Variants in PLCB1 observed in about 807,000 individuals in gnomAD.
PLCB1 encodes the protein 1-phosphatidylinositol 4,5-bisphosphate phosphodiesterase beta-1.
In PLCB1, 46 loss-of-function variants were observed where a neutral mutation model predicts 161.8. The ratio of observed to expected loss-of-function variants is 0.28; its 90% CI spans 0.22 to 0.36. PLCB1 has a LOEUF of 0.36. Among genes scored for constraint, PLCB1 ranks in the 10% least tolerant of loss-of-function variants. The probability of loss-of-function intolerance (pLI) is 1.00; values close to 1 mark genes in which losing one functional copy is unlikely to be tolerated. For missense variants in PLCB1, 1,016 were observed against 1,472.5 expected (o/e 0.69, Z 5.07); for synonymous variants, 517 against 503.7 (o/e 1.03, Z -0.35).
intron 31 of PLCB1, among the ~76,000 whole-genome samples, chr20:8,813,443 CTAAAG>C (rs1297255782): frequency 6.6e-6 from 1 of 152,106 alleles, no homozygotes; most frequent in Non-Finnish European, 1.5e-5. Flanking sequence ...GAGACCAGCT[CTAAAG>C]TAAACTATTT....
At chr20:8,603,741 G>A (rs572893116) in intron 3 of PLCB1, among the ~76,000 whole-genome samples, 39 of 152,204 alleles carry the variant, frequency 2.6e-4, no homozygotes, top group Non-Finnish European at 5.6e-4. Flanking sequence ...GTAAATGTGT[G>A]TTTCAACTTG....
intron 2 of PLCB1, among the ~76,000 whole-genome samples, chr20:8,310,558 G>A (rs1360016492): frequency 6.6e-6 from 1 of 152,124 alleles, no homozygotes; most frequent in African/African-American, 2.4e-5. Context: ...GGCTGTCTAG[G>A]GTGATGAAAA....
Position 8,214,081 on chromosome 20 carries a change from A to G in PLCB1, c.177+63710A>G, listed in dbSNP as rs548107088. Among the ~76,000 whole-genome samples, 25 of 152,270 alleles carry G rather than the reference A, an allele frequency of 1.6e-4. No homozygotes were observed. The East Asian group carries it at 2.9e-3, about 18-fold the overall frequency. On this transcript the variant is annotated intron_variant, in intron 2 of 31. Transcript: ENST00000338037. ...GTGACTAAAAAGCAAAAGCGAAACA[A>G]AGGAGGTTGAGGTAAAGAGCAGTCT...
At chr20:8,439,589 C>T (rs1170871129) in intron 3 of PLCB1, among the ~76,000 whole-genome samples, 1 of 151,968 alleles carries the variant, frequency 6.6e-6, no homozygotes, top group Non-Finnish European at 1.5e-5. Context: ...GAAGTTGTGT[C>T]GTATTTAGAA....
Position 8,520,696 on chromosome 20 carries a change from A to G in PLCB1, c.247-107598A>G, listed in dbSNP as rs140419229. On this transcript the variant is annotated intron_variant, in intron 3 of 31. Transcript: ENST00000338037. Reference sequence around the variant, plus strand: ...CACGACTAAAGGCAACTGCTATCCAATTTCTGTGGGTATAAATAACTTTTA... The same window carrying G: ...CACGACTAAAGGCAACTGCTATCCAGTTTCTGTGGGTATAAATAACTTTTA... 1.9e-3 allele frequency among the ~76,000 whole-genome samples: 295 copies of G among 152,262 alleles called. 1 individual carries two copies. The highest frequency in any genetic ancestry group is 6.8e-3 in the African/African-American group (283 of 41,560).
At chr20:8,425,470 T>G (rs1775198) in intron 3 of PLCB1, among the ~76,000 whole-genome samples, 73,025 of 151,868 alleles carry the variant, frequency 0.48, 17,959 homozygotes, top group African/African-American at 0.53. Context: ...CACATCCCTG[T>G]ATGTGCCAGT....
At chr20:8,398,578 T>C (rs116549807) in intron 3 of PLCB1, among the ~76,000 whole-genome samples, 2,085 of 151,954 alleles carry the variant, frequency 0.014, 52 homozygotes, top group African/African-American at 0.047. Context: ...AGAGGGAGAG[T>C]TGACTCTCTA....
At chr20:8,257,882 G>A (rs1224216295) in intron 2 of PLCB1, among the ~76,000 whole-genome samples, 2 of 152,062 alleles carry the variant, frequency 1.3e-5, no homozygotes, top group African/African-American at 4.8e-5. Flanking sequence ...AATACCCCCC[G>A]ACCACACACA....
At position 8,324,265 on chromosome 20, in the gene PLCB1, C is replaced by T. The variant is rs567730281; in HGVS notation, c.178-47117C>T. Among the ~76,000 whole-genome samples the T allele has an allele frequency of 2.6e-4, 39 of 151,322 alleles. No homozygotes were observed. The East Asian group carries it at 6.2e-3, about 24-fold the overall frequency. ...GAAACTACGTGACAAGGATTATTTACACACCATTATAGAAGTCACACTAAT... is the reference window on the plus strand; with the variant it reads ...GAAACTACGTGACAAGGATTATTTATACACCATTATAGAAGTCACACTAAT... On this transcript the variant is annotated intron_variant, in intron 2 of 31. Transcript: ENST00000338037.
Position 8,680,241 on chromosome 20 carries a change from T to A in PLCB1, c.863-4691T>A, listed in dbSNP as rs188809961. 4.9e-3 allele frequency among the ~76,000 whole-genome samples: 750 copies of A among 152,282 alleles called. 14 individuals are homozygous for A. Among genetic ancestry groups the A allele is most frequent in the Non-Finnish European group, 2.4e-3 (162 of 68,016 alleles). ...GTTTGATAGAAAAGGGCTAATGCAT[T>A]TTAGTCAATGGCGACAATAATATTC... On this transcript the variant is annotated intron_variant, in intron 9 of 31. Transcript: ENST00000338037.
At chr20:8,213,487 G>A (rs1045245779) in intron 2 of PLCB1, among the ~76,000 whole-genome samples, 1 of 152,114 alleles carries the variant, frequency 6.6e-6, no homozygotes, top group African/African-American at 2.4e-5. Context: ...GCAGGAGGTA[G>A]CAGAGCAAGT....
intron 10 of PLCB1, among the ~76,000 whole-genome samples, chr20:8,692,366 G>T (rs764299001): frequency 6.6e-6 from 1 of 152,070 alleles, no homozygotes; most frequent in Non-Finnish European, 1.5e-5. Flanking sequence ...TTTATCATTT[G>T]TTTTTGCTTT....
intron 3 of PLCB1, among the ~76,000 whole-genome samples, chr20:8,618,416 C>T (rs1414409749): frequency 6.6e-6 from 1 of 151,966 alleles, no homozygotes; most frequent in East Asian, 1.9e-4. Context: ...AATCCCAACA[C>T]CTTAGGCAGG....
At chr20:8,560,961 T>C (rs1181358520) in intron 3 of PLCB1, among the ~76,000 whole-genome samples, 1 of 151,946 alleles carries the variant, frequency 6.6e-6, no homozygotes, top group Non-Finnish European at 1.5e-5. Context: ...AGCAGGATAA[T>C]TTAGGCTTGT....
chr20:8,306,496 T>A (rs1270187648), intron 2 of PLCB1: 1 of 152,246 alleles, frequency 6.6e-6, no homozygotes, highest in Non-Finnish European at 1.5e-5. Flanking sequence ...CTTCTCACTT[T>A]GGGCAAGCTC....
chr20:8,413,823 C>T (rs1178661550), intron 3 of PLCB1, among the ~76,000 whole-genome samples: 1 of 152,194 alleles, frequency 6.6e-6, no homozygotes, highest in African/African-American at 2.4e-5. Context: ...GGTCTAGCAC[C>T]ATCTCTGGTG....
chr20:8,362,276 T>A (rs1254336203), intron 2 of PLCB1, among the ~76,000 whole-genome samples: 1 of 152,220 alleles, frequency 6.6e-6, no homozygotes, highest in Non-Finnish European at 1.5e-5. Context: ...AGGTTTTTAA[T>A]GTCAACCTAA....
At chr20:8,670,105 T>C (rs189955855) in intron 9 of PLCB1, among the ~76,000 whole-genome samples, 53 of 152,334 alleles carry the variant, frequency 3.5e-4, no homozygotes, top group African/African-American at 9.9e-4. Context: ...TCAGTACTTA[T>C]ACAAATCCAT....
intron 3 of PLCB1, among the ~76,000 whole-genome samples, chr20:8,444,810 C>T (rs1980742569): frequency 6.6e-6 from 1 of 151,542 alleles, no homozygotes; most frequent in African/African-American, 2.4e-5. Context: ...TGATGATGAG[C>T]ATTTTTTCAT....
Sources: allele counts gnomAD v4.1 joint callset (sites outside exome capture counted in the v4.1 genomes callset), GRCh38; gene constraint gnomAD v4.1.1; transcripts MANE v1.5; gene names NCBI Gene and HGNC (gene_info 2026-07-23, HGNC 2026-07-21).